The following PCDH9 variants were observed in gnomAD, a reference collection of about 807,000 sequenced individuals.
PCDH9 encodes the protein protocadherin 9.
A neutral mutation model predicts 70.6 loss-of-function variants in PCDH9; 24 were observed. The ratio of observed to expected loss-of-function variants is 0.34; its 90% CI spans 0.25 to 0.48. The LOEUF (loss-of-function observed/expected upper bound fraction) is 0.48, where lower values mean the gene tolerates loss of function less well. PCDH9 is among the 20% of genes least tolerant of loss of function. The probability of loss-of-function intolerance (pLI) is 0.99; values close to 1 mark genes in which losing one functional copy is unlikely to be tolerated. For synonymous variants in PCDH9, 562 were observed against 558.5 expected (o/e 1.01, Z -0.09); for missense variants, 1,281 against 1,503.6 (o/e 0.85, Z 2.45).
At chr13:66,779,299 A>C (rs2079951026) in intron 3 of PCDH9, among the ~76,000 whole-genome samples, 1 of 152,142 alleles carries the variant, frequency 6.6e-6, no homozygotes, top group African/African-American at 2.4e-5. Flanking sequence ...TTATTACAGT[A>C]TTGTTCACAA....
At chr13:66,748,586 G>A (rs2079408707) in intron 3 of PCDH9, among the ~76,000 whole-genome samples, 1 of 152,156 alleles carries the variant, frequency 6.6e-6, no homozygotes, top group Non-Finnish European at 1.5e-5. Flanking sequence ...ACATGAAGAT[G>A]TAGTGTGTCA....
At chr13:67,061,283 T>C (rs2085533753) in intron 2 of PCDH9, among the ~76,000 whole-genome samples, 1 of 152,042 alleles carries the variant, frequency 6.6e-6, no homozygotes, top group Admixed American at 6.6e-5. Flanking sequence ...ACAGAAGTTA[T>C]CAACAGGCTT....
At chr13:66,700,294 T>C (rs1014007641) in intron 3 of PCDH9, among the ~76,000 whole-genome samples, 3 of 152,122 alleles carry the variant, frequency 2.0e-5, no homozygotes, top group Non-Finnish European at 4.4e-5. Context: ...CGGCAGATTG[T>C]TAACATAATG....
intron 4 of PCDH9, among the ~76,000 whole-genome samples, chr13:66,534,040 T>C (rs2138639451): frequency 6.6e-6 from 1 of 152,296 alleles, no homozygotes; most frequent in South Asian, 2.1e-4. Flanking sequence ...TTAGAAGTGG[T>C]ATTTTCATTA....
chr13:66,518,068 A>G (rs1959822721), intron 4 of PCDH9, among the ~76,000 whole-genome samples: 1 of 152,100 alleles, frequency 6.6e-6, no homozygotes, highest in Non-Finnish European at 1.5e-5. Flanking sequence ...TGCAGGCTGT[A>G]CAAGAAGCAT....
At position 67,082,960 on chromosome 13, in the gene PCDH9, T is replaced by C. The variant is rs1004950022; in HGVS notation, c.3036+142445A>G. 3.3e-5 allele frequency among the ~76,000 whole-genome samples: 5 copies of C among 152,226 alleles called. No individual in the cohort carries two copies. In the South Asian group the frequency reaches 8.3e-4, roughly 25 times the overall value. The stretch of plus-strand genomic sequence containing the variant: ...TTCTTTTTAAATGAAAACCCAAGTA[T>C]AAAGAATACTGGAATACCTCTGGAA... On this transcript the variant is annotated intron_variant, in intron 2 of 4. Coordinates refer to ENST00000377865, the MANE Select transcript of PCDH9 (RefSeq NM_203487.3).
At chr13:66,529,912 A>C (rs1960376896) in intron 4 of PCDH9, among the ~76,000 whole-genome samples, 1 of 152,008 alleles carries the variant, frequency 6.6e-6, no homozygotes, top group Admixed American at 6.6e-5. Context: ...GTTGCAGAAA[A>C]AAAAATATTT....
At chr13:66,486,009 C>A (rs920061709) in intron 4 of PCDH9, among the ~76,000 whole-genome samples, 2 of 151,968 alleles carry the variant, frequency 1.3e-5, no homozygotes, top group Non-Finnish European at 1.5e-5. Flanking sequence ...ATTACAGGTG[C>A]GAGCCACTGT....
intron 4 of PCDH9, among the ~76,000 whole-genome samples, chr13:66,392,820 A>G (rs1957042410): frequency 6.6e-6 from 1 of 151,814 alleles, no homozygotes; most frequent in African/African-American, 2.4e-5. Flanking sequence ...GAAGTTCCCT[A>G]TCTCTGCAAG....
intron 4 of PCDH9, among the ~76,000 whole-genome samples, chr13:66,485,640 G>C (rs923729064): frequency 2.6e-5 from 4 of 151,940 alleles, no homozygotes; most frequent in Non-Finnish European, 5.9e-5. Context: ...CATAGAAAGA[G>C]ACTTATGGCA....
chr13:66,348,215 C>A (rs1368661591), intron 4 of PCDH9, among the ~76,000 whole-genome samples: 1 of 152,032 alleles, frequency 6.6e-6, no homozygotes, highest in Non-Finnish European at 1.5e-5. Flanking sequence ...TCTAGGCTTA[C>A]CAGCTTACCT....
intron 3 of PCDH9, among the ~76,000 whole-genome samples, chr13:66,679,211 AG>A (rs1035635041): frequency 1.6e-4 from 24 of 151,736 alleles, no homozygotes; most frequent in African/African-American, 5.6e-4. Context: ...ATCTTTAAAA[AG>A]GTTTAGCTAC....
At chr13:66,886,239 C>CTGGCCAAT (rs2082002990) in intron 3 of PCDH9, among the ~76,000 whole-genome samples, 1 of 152,126 alleles carries the variant, frequency 6.6e-6, no homozygotes, top group Non-Finnish European at 1.5e-5. Context: ...CAGAGTATAA[C>CTGGCCAAT]TGGCCAATTT....
chr13:66,770,323 T>C (rs1027278630), intron 3 of PCDH9, among the ~76,000 whole-genome samples: 3 of 152,100 alleles, frequency 2.0e-5, no homozygotes, highest in African/African-American at 7.2e-5. Flanking sequence ...AACTTATCCA[T>C]GTAACCCAAA....
At chr13:66,441,245 A>G (rs997523971) in intron 4 of PCDH9, among the ~76,000 whole-genome samples, 1 of 152,194 alleles carries the variant, frequency 6.6e-6, no homozygotes, top group African/African-American at 2.4e-5. Flanking sequence ...CTCTCCAGGC[A>G]TGGGCCGAGA....
At chr13:66,887,807 TA>T (rs1372961840) in intron 3 of PCDH9, among the ~76,000 whole-genome samples, 18 of 152,282 alleles carry the variant, frequency 1.2e-4, no homozygotes, top group Non-Finnish European at 2.1e-4. Context: ...TAAAGCTACT[TA>T]AAAAAACCTG....
At chr13:66,698,457 C>T (rs1227704071) in intron 3 of PCDH9, among the ~76,000 whole-genome samples, 1 of 152,192 alleles carries the variant, frequency 6.6e-6, no homozygotes, top group Non-Finnish European at 1.5e-5. Flanking sequence ...AGTGCTACTA[C>T]TATTTGTTTC....
chr13:66,987,888 A>G (rs866495893), intron 2 of PCDH9, among the ~76,000 whole-genome samples: 1 of 151,928 alleles, frequency 6.6e-6, no homozygotes, highest in Middle Eastern at 3.4e-3. Flanking sequence ...AATTTTAATA[A>G]TTTAGTTTAT....
At chr13:66,659,055 A>C (rs1482341204) in intron 3 of PCDH9, among the ~76,000 whole-genome samples, 2 of 152,218 alleles carry the variant, frequency 1.3e-5, no homozygotes, top group Non-Finnish European at 2.9e-5. Context: ...ATTGCAAAAA[A>C]CAAAACAATA....
Sources: gnomAD v4.1 joint callset for allele counts (sites outside exome capture counted in the v4.1 genomes callset) on GRCh38, gnomAD v4.1.1 for gene constraint, MANE v1.5 for transcripts, NCBI Gene and HGNC (gene_info 2026-07-23, HGNC 2026-07-21) for gene names.